SESN2: variants seen among roughly 807,000 people sequenced by gnomAD.
SESN2 encodes the protein sestrin-2.
Under a neutral mutation model 56.0 loss-of-function variants are expected in SESN2, and 42 were observed. That is an observed-to-expected ratio of 0.75 (90% CI 0.59 to 0.97). SESN2 has a LOEUF of 0.97. Ranked by LOEUF, SESN2 falls within the 50% of genes least tolerant of loss-of-function variation. The pLI is 0.00. For synonymous variants in SESN2, 264 were observed against 267.1 expected (o/e 0.99, Z 0.11); for missense variants, 507 against 649.4 (o/e 0.78, Z 2.38).
intron 1 of SESN2, among the ~76,000 whole-genome samples, chr1:28,260,850 G>T (rs1026615574): frequency 1.1e-4 from 17 of 151,988 alleles, no homozygotes; most frequent in African/African-American, 4.1e-4. Context: ...CATTTATTAT[G>T]CACCTACTAG....
chr1:28,273,942 C>A (rs1647916953), intron 6 of SESN2, 98 bp from the exon 7 acceptor site: 1 of 822,484 alleles, frequency 1.2e-6, no homozygotes, highest in South Asian at 1.5e-5. Context: ...TTTTGGCCCT[C>A]TATTCTGCCT....
chr1:28,274,899 G>T lies in SESN2; in HGVS notation c.1095G>T (p.Glu365Asp). 1 of 1,614,220 alleles carries T rather than the reference G, an allele frequency of 6.2e-7. No individual in the cohort carries two copies. The highest frequency in any genetic ancestry group is 8.5e-7 in the Non-Finnish European group (1 of 1,180,024). The change falls in exon 8 of 10, where the codon GAG (glutamate) becomes GAT (aspartate). Residue 365 changes from glutamate (E) to aspartate (D), a missense_variant. By Grantham distance (45) the Glu-to-Asp change is conservative (BLOSUM62 2). Coordinates refer to ENST00000253063, the MANE Select transcript of SESN2 (RefSeq NM_031459.5). ...CTGAGGGTGGGCAGCTGCTGGATGA[G>T]AAGTTCCAGGCAGCCTATAGCCTCA... ...LYPEGGQLLD[E>D]KFQAAYSLTY...
intron 1 of SESN2, among the ~76,000 whole-genome samples, chr1:28,264,925 C>A (rs1453732813): frequency 2.0e-5 from 3 of 152,118 alleles, no homozygotes; most frequent in Non-Finnish European, 4.4e-5. Context: ...GATGCAGCAG[C>A]CTGGAGACTA....
intron 1 of SESN2, among the ~76,000 whole-genome samples, chr1:28,268,766 TGA>T (rs908408207): frequency 6.6e-6 from 1 of 151,784 alleles, no homozygotes; most frequent in African/African-American, 2.4e-5. Flanking sequence ...AACGAACATG[TGA>T]GAGAAATTGA....
At chr1:28,263,381 C>T (rs184089186) in intron 1 of SESN2, among the ~76,000 whole-genome samples, 34 of 152,324 alleles carry the variant, frequency 2.2e-4, no homozygotes, top group African/African-American at 7.9e-4. Flanking sequence ...CACTCACTCA[C>T]ACCCCCTCCA....
At chr1:28,269,743 ACTTT>A (rs1647692400) in intron 2 of SESN2, among the ~76,000 whole-genome samples, 1 of 152,154 alleles carries the variant, frequency 6.6e-6, no homozygotes, top group South Asian at 2.1e-4. Flanking sequence ...GCCAATACTT[ACTTT>A]CAGTACAGAA....
intron 2 of SESN2, among the ~76,000 whole-genome samples, chr1:28,270,235 C>T (rs1363004199): frequency 6.6e-6 from 1 of 151,890 alleles, no homozygotes; most frequent in Non-Finnish European, 1.5e-5. Context: ...CCTGTAATCC[C>T]AGCTACTCTG....
At chr1:28,268,073 G>A (rs141375589) in intron 1 of SESN2, among the ~76,000 whole-genome samples, 55 of 152,288 alleles carry the variant, frequency 3.6e-4, no homozygotes, top group Non-Finnish European at 7.1e-4. Context: ...GAAGCCCATG[G>A]GAGGGGGAGG....
intron 1 of SESN2, among the ~76,000 whole-genome samples, chr1:28,266,965 A>G (rs1257656219): frequency 1.3e-5 from 2 of 152,058 alleles, no homozygotes; most frequent in Non-Finnish European, 2.9e-5. Flanking sequence ...CCTGGGTCAG[A>G]TTTTGGAGTG....
chr1:28,273,612 C>A, intron 6 of SESN2, 104 bp downstream of exon 6: 1 of 1,160,604 alleles, frequency 8.6e-7, no homozygotes, highest in Non-Finnish European at 1.2e-6. Context: ...ACTTCTCAAC[C>A]TCCCGTCCAA....
At chr1:28,275,544 G>T (rs2149039919) in intron 8 of SESN2, among the ~76,000 whole-genome samples, 1 of 149,814 alleles carries the variant, frequency 6.7e-6, no homozygotes. Flanking sequence ...CATGAGGTTA[G>T]GAGTTCGAGA....
intron 8 of SESN2, 109 bp downstream of exon 8, chr1:28,275,124 C>T: frequency 1.3e-6 from 1 of 783,910 alleles, no homozygotes; most frequent in Non-Finnish European, 1.9e-6. Flanking sequence ...TTCTTCTTGC[C>T]TATACTGTTT....
At chr1:28,276,570 C>CTTTTTTTTTTTTTTTTTT (rs57474365) in intron 8 of SESN2, among the ~76,000 whole-genome samples, 1 of 94,734 alleles carries the variant, frequency 1.1e-5, no homozygotes, top group East Asian at 3.9e-4. Flanking sequence ...TTTTTCTTTC[C>CTTTTTTTTTTTTTTTTTT]TTTTTTTTTT....
rs558943506 is a variant in SESN2 at position 28,271,790 on chromosome 1, C to T, written c.273C>T (p.Thr91=). The T allele has an allele frequency of 3.1e-5, 50 of 1,614,212 alleles. No individual in the cohort carries two copies. The East Asian group carries it at 3.3e-4, about 11-fold the overall frequency. Residue 91 remains threonine, a synonymous_variant, in exon 3 of 10, where the codon ACC becomes ACT. Coordinates refer to ENST00000253063, the MANE Select transcript of SESN2 (RefSeq NM_031459.5). ...VVMGLHPDYF[T]SFWRLHYLLL... ...TGGGCCTGCACCCTGACTACTTTAC[C>T]AGCTTCTGGCGCCTGCACTACCTGC...
At chr1:28,273,577 C>T in intron 6 of SESN2, 69 bp downstream of exon 6, 1 of 1,378,576 alleles carries the variant, frequency 7.3e-7, no homozygotes, top group East Asian at 2.5e-5. Flanking sequence ...GAGGAGGAGC[C>T]ACCTCCTGCA....
chr1:28,263,350 G>A (rs2149035848), intron 1 of SESN2, among the ~76,000 whole-genome samples: 1 of 152,286 alleles, frequency 6.6e-6, no homozygotes, highest in South Asian at 2.1e-4. Flanking sequence ...AGCTCATGAT[G>A]GGCAGACAAG....
At chr1:28,269,092 A>G in intron 1 of SESN2, 91 bp from the exon 2 acceptor site, 1 of 880,166 alleles carries the variant, frequency 1.1e-6, no homozygotes, top group South Asian at 1.6e-5. Flanking sequence ...ACTTCAGTGT[A>G]GCCCCTTGGA....
chr1:28,269,146 C>T (rs781513677), intron 1 of SESN2, 37 bp from the exon 2 acceptor site: 3 of 1,526,516 alleles, frequency 2.0e-6, no homozygotes, highest in East Asian at 4.6e-5. Context: ...TTTATTCTCC[C>T]TTCTACTACG....
In SESN2 at chr1:28,272,666, C is replaced by G. The variant is rs780375417; in HGVS notation, c.623C>G (p.Ser208Cys). The G allele has an allele frequency of 1.2e-6, 2 of 1,614,020 alleles. No individual in the cohort carries two copies. The highest frequency in any genetic ancestry group is 2.7e-5 in the African/African-American group (2 of 74,916). The change falls in exon 5 of 10, where the codon TCC becomes TGC. Residue 208 changes from serine (S) to cysteine (C), a missense_variant. Ser to Cys is a moderately radical substitution (Grantham distance 112). Coordinates refer to ENST00000253063, the MANE Select transcript of SESN2 (RefSeq NM_031459.5). ...CTGCTCACCCACTGCCACTCGCTCTCCTCCTTCGTGTTTGGCTGTGGCATC... is the reference window on the plus strand; with the variant it reads ...CTGCTCACCCACTGCCACTCGCTCTGCTCCTTCGTGTTTGGCTGTGGCATC... ...LVLLTHCHSL[S>C]SFVFGCGILP...
Sources: gnomAD v4.1 joint callset for allele counts (sites outside exome capture counted in the v4.1 genomes callset) on GRCh38, gnomAD v4.1.1 for gene constraint, MANE v1.5 for transcripts, NCBI Gene and HGNC (gene_info 2026-07-23, HGNC 2026-07-21) for gene names.